Variants in KALRN observed in about 807,000 individuals in gnomAD.
KALRN encodes kalirin.
A neutral mutation model predicts 353.7 loss-of-function variants in KALRN; 70 were observed. That is an observed-to-expected ratio of 0.20 (90% confidence interval 0.16 to 0.24). The LOEUF (loss-of-function observed/expected upper bound fraction) is 0.24, where lower values mean the gene tolerates loss of function less well. Among genes scored for constraint, KALRN ranks in the 10% least tolerant of loss-of-function variants. The probability of loss-of-function intolerance (pLI) is 1.00; values close to 1 mark genes in which losing one functional copy is unlikely to be tolerated. For missense variants in KALRN, 2,791 were observed against 3,756.7 expected, an observed-to-expected ratio of 0.74 and a Z score of 6.72; for synonymous variants, 1,391 against 1,434.8, an observed-to-expected ratio of 0.97 and a Z score of 0.69.
At chr3:124,687,510 AG>A (rs1479023164) in intron 51 of KALRN, among the ~76,000 whole-genome samples, 2 of 152,084 alleles carry the variant, frequency 1.3e-5, no homozygotes, top group Non-Finnish European at 2.9e-5. Context: ...TATTTTTGAC[AG>A]CACACTAAAT....
At chr3:124,614,241 C>CTTATTTATTTATTTAT (rs10666219) in intron 34 of KALRN, among the ~76,000 whole-genome samples, 1 of 142,868 alleles carries the variant, frequency 7.0e-6, no homozygotes, top group African/African-American at 2.6e-5. Context: ...TTCTAAAATT[C>CTTATTTATTTATTTAT]TTATTTATTT....
At chr3:124,333,369 T>G (rs1560591272) in intron 8 of KALRN, among the ~76,000 whole-genome samples, 1 of 152,230 alleles carries the variant, frequency 6.6e-6, no homozygotes, top group Non-Finnish European at 1.5e-5. Flanking sequence ...CATTTAATCC[T>G]CACCATGACT....
chr3:124,349,487 G>GTA (rs1340735810), intron 10 of KALRN, among the ~76,000 whole-genome samples: 3 of 152,052 alleles, frequency 2.0e-5, no homozygotes, highest in Non-Finnish European at 4.4e-5. Context: ...GCTATCATTA[G>GTA]TATATTTTAT....
chr3:124,115,703 G>A (rs1177106601), intron 1 of KALRN, among the ~76,000 whole-genome samples: 5 of 152,128 alleles, frequency 3.3e-5, no homozygotes, highest in Non-Finnish European at 5.9e-5. Context: ...GTTCCTGCAG[G>A]GAGGTCGAGC....
At chr3:124,200,965 G>A (rs923388141) in intron 1 of KALRN, among the ~76,000 whole-genome samples, 1 of 152,106 alleles carries the variant, frequency 6.6e-6, no homozygotes, top group Admixed American at 6.5e-5. Context: ...GCTTCCCTTG[G>A]CACTAAGGAA....
At chr3:124,716,050 A>G (rs1450697762) in intron 58 of KALRN, among the ~76,000 whole-genome samples, 2 of 152,070 alleles carry the variant, frequency 1.3e-5, no homozygotes, top group Admixed American at 1.3e-4. Context: ...TCTTATTCCC[A>G]CTTTAAAGAT....
chr3:124,293,014 G>A (rs551694342), intron 5 of KALRN, among the ~76,000 whole-genome samples: 5 of 152,146 alleles, frequency 3.3e-5, no homozygotes, highest in East Asian at 1.9e-4. Flanking sequence ...TGTTCCTTGC[G>A]CTCTAACACT....
chr3:124,678,953 T>C (rs1241362454), intron 50 of KALRN, among the ~76,000 whole-genome samples: 5 of 145,472 alleles, frequency 3.4e-5, no homozygotes, highest in Non-Finnish European at 7.5e-5. Context: ...CTGCTTTCTT[T>C]AAATTGGAAC....
intron 11 of KALRN, among the ~76,000 whole-genome samples, chr3:124,392,294 T>A (rs1198164796): frequency 6.6e-6 from 1 of 152,196 alleles, no homozygotes; most frequent in East Asian, 1.9e-4. Context: ...ATATTTTAAA[T>A]GTAATAATAT....
Position 124,062,649 on chromosome 3 carries a change from T to C in KALRN, c.73+28836T>C, listed in dbSNP as rs149949457. On this transcript the variant is annotated intron_variant, in intron 1 of 59. Transcript: ENST00000682506. ...AAAGGTCTCTGGGGGTTTTCTTCTC[T>C]CATCACTTTCTCTTGTTTTTTAAAG... Among the ~76,000 whole-genome samples, 50 of 152,352 alleles carry C rather than the reference T, an allele frequency of 3.3e-4. No individual in the cohort carries two copies. The East Asian group carries it at 9.1e-3, about 28-fold the overall frequency.
chr3:124,595,787 A>C (rs187981473), intron 34 of KALRN, among the ~76,000 whole-genome samples: 98 of 152,330 alleles, frequency 6.4e-4, no homozygotes, highest in African/African-American at 2.4e-3. Flanking sequence ...TCTCCTGTTT[A>C]CTTCTGTTTA....
intron 5 of KALRN, among the ~76,000 whole-genome samples, chr3:124,277,098 G>T (rs1405249718): frequency 1.3e-5 from 2 of 152,212 alleles, no homozygotes; most frequent in Non-Finnish European, 2.9e-5. Context: ...GAGGATAAGG[G>T]TCACTTGACA....
chr3:124,418,652 C>T (rs1385498247), intron 14 of KALRN, among the ~76,000 whole-genome samples: 2 of 152,202 alleles, frequency 1.3e-5, no homozygotes, highest in African/African-American at 2.4e-5. Context: ...CACCTCTCTC[C>T]TTGAGGAAAT....
At chr3:124,612,624 G>A (rs751429829) in intron 34 of KALRN, among the ~76,000 whole-genome samples, 17 of 152,056 alleles carry the variant, frequency 1.1e-4, no homozygotes, top group Admixed American at 9.9e-4. Context: ...GATGTGAGCC[G>A]TCGAGCCCAG....
intron 34 of KALRN, among the ~76,000 whole-genome samples, chr3:124,610,279 G>C (rs2077787139): frequency 6.6e-6 from 1 of 152,206 alleles, no homozygotes; most frequent in East Asian, 1.9e-4. Context: ...TGACTGAAAA[G>C]ATAGTCTATT....
chr3:124,623,909 T>C (rs2079619312), intron 34 of KALRN, among the ~76,000 whole-genome samples: 1 of 152,250 alleles, frequency 6.6e-6, no homozygotes, highest in Non-Finnish European at 1.5e-5. Context: ...CTGATTTTTG[T>C]CTTCAGTTGA....
intron 51 of KALRN, among the ~76,000 whole-genome samples, chr3:124,685,043 A>C (rs2061498362): frequency 6.6e-6 from 1 of 152,202 alleles, no homozygotes; most frequent in Non-Finnish European, 1.5e-5. Context: ...ACCCCCAGCC[A>C]GGTGACCAAC....
chr3:124,707,154 C>T (rs917299497), intron 57 of KALRN, among the ~76,000 whole-genome samples: 1 of 151,948 alleles, frequency 6.6e-6, no homozygotes, highest in Non-Finnish European at 1.5e-5. Context: ...GCCTGGGCAA[C>T]ATGGCGAGAC....
At chr3:124,714,552 T>C (rs2063040486) in intron 58 of KALRN, among the ~76,000 whole-genome samples, 1 of 152,192 alleles carries the variant, frequency 6.6e-6, no homozygotes, top group Admixed American at 6.5e-5. Context: ...TTCCTCCAAC[T>C]TCCCAGAGAT....
Sources: allele counts gnomAD v4.1 joint callset (sites outside exome capture counted in the v4.1 genomes callset), GRCh38; gene constraint gnomAD v4.1.1; transcripts MANE v1.5; gene names NCBI Gene and HGNC (gene_info 2026-07-23, HGNC 2026-07-21).